FHIT: variants seen among roughly 807,000 people sequenced by gnomAD.
FHIT encodes bis(5'-adenosyl)-triphosphatase.
A neutral mutation model predicts 17.9 loss-of-function variants in FHIT; 19 were observed. The observed-to-expected ratio is 1.06, with a 90% CI of 0.74 to 1.56. FHIT has a LOEUF of 1.56. Ranked by LOEUF, FHIT falls within the 40% of genes most tolerant of loss-of-function variation. FHIT has a pLI of 0.00. For synonymous variants in FHIT, 81 were observed against 69.7 expected (o/e 1.16, Z -0.81); for missense variants, 248 against 189.2 (o/e 1.31, Z -1.82).
intron 2 of FHIT, among the ~76,000 whole-genome samples, chr3:61,084,915 T>A (rs1267166788): frequency 6.6e-6 from 1 of 152,214 alleles, no homozygotes; most frequent in African/African-American, 2.4e-5. Context: ...TAGATTCTTT[T>A]GTGTCTGGAT....
intron 4 of FHIT, among the ~76,000 whole-genome samples, chr3:60,687,433 T>G (rs1366031579): frequency 2.0e-5 from 3 of 152,098 alleles, no homozygotes; most frequent in Non-Finnish European, 2.9e-5. Context: ...AAAAATTTGG[T>G]TTTTGTTATC....
intron 5 of FHIT, among the ~76,000 whole-genome samples, chr3:60,332,809 G>A (rs758185129): frequency 2.0e-5 from 3 of 152,106 alleles, no homozygotes; most frequent in Non-Finnish European, 4.4e-5. Flanking sequence ...AAACAAAGAT[G>A]ACAGAAATCA....
At chr3:60,164,105 A>G (rs1370118070) in intron 5 of FHIT, among the ~76,000 whole-genome samples, 1 of 152,206 alleles carries the variant, frequency 6.6e-6, no homozygotes, top group Non-Finnish European at 1.5e-5. Flanking sequence ...GGGAGATCAT[A>G]AACTTAAGTA....
At chr3:60,997,512 G>T (rs1229963259) in intron 3 of FHIT, among the ~76,000 whole-genome samples, 3 of 152,116 alleles carry the variant, frequency 2.0e-5, no homozygotes, top group Non-Finnish European at 4.4e-5. Flanking sequence ...GTTGAGGGGG[G>T]TGTGGATGGT....
intron 5 of FHIT, among the ~76,000 whole-genome samples, chr3:60,077,729 C>CATATATATATATAT (rs1403752107): frequency 8.9e-5 from 6 of 67,188 alleles, no homozygotes; most frequent in African/African-American, 2.9e-4. Context: ...CACACACACA[C>CATATATATATATAT]ATATATAGAG....
chr3:59,818,252 T>C (rs1700671579), intron 8 of FHIT, among the ~76,000 whole-genome samples: 1 of 152,064 alleles, frequency 6.6e-6, no homozygotes, highest in Admixed American at 6.5e-5. Flanking sequence ...TCGGCCCACG[T>C]GGGGCTGTGC....
rs192515162 is a variant in FHIT at position 59,749,164 on chromosome 3, A to C, written c.*421T>G. 4.4e-6 allele frequency: 1 copy of C among 229,174 alleles called. No homozygotes were observed. Among genetic ancestry groups the C allele is most frequent in the East Asian group, 6.2e-5 (1 of 16,056 alleles). 14.2% of individuals were successfully genotyped at this position (229,174 alleles called of 1,614,324 possible). A position where few individuals can be genotyped will look rare whatever the true frequency, so the allele number is the denominator to read the frequency against. On this transcript the variant is annotated 3_prime_UTR_variant, in exon 10 of 10. Coordinates refer to ENST00000492590, the MANE Select transcript of FHIT (RefSeq NM_002012.4). ...TTTCATGAACCACTTAATGTATAAA[A>C]ATTCAATATGTAGACATTTTTTTTG... is the stretch of plus-strand genomic sequence containing the variant.
intron 2 of FHIT, among the ~76,000 whole-genome samples, chr3:61,118,760 T>A (rs1467498341): frequency 6.6e-6 from 1 of 152,176 alleles, no homozygotes; most frequent in Admixed American, 6.6e-5. Flanking sequence ...GAATGTAAAG[T>A]AGAAGGAACT....
rs1553779325 is a variant in FHIT at position 60,957,418 on chromosome 3, TA to T, written c.-111+84628del. ...ACACCTGGCTAATTTATTGTAGTTT[TA>T]GTAGAGATGGGGTTTCACCGTGTTA... On this transcript the variant is annotated intron_variant, in intron 3 of 9. Transcript: ENST00000492590. 2.0e-5 allele frequency among the ~76,000 whole-genome samples: 3 copies of T among 152,156 alleles called. No homozygotes were observed. In the South Asian group the frequency reaches 6.2e-4, roughly 32 times the overall value.
intron 4 of FHIT, among the ~76,000 whole-genome samples, chr3:60,784,980 T>G (rs1700518060): frequency 1.3e-5 from 2 of 151,816 alleles, no homozygotes; most frequent in South Asian, 2.1e-4. Context: ...ATTTCTGTTG[T>G]TTATGAGCCA....
chr3:61,073,043 C>CG (rs2034858079), intron 2 of FHIT, among the ~76,000 whole-genome samples: 2 of 152,074 alleles, frequency 1.3e-5, no homozygotes, highest in Non-Finnish European at 2.9e-5. Flanking sequence ...CAAGGAAAGA[C>CG]ATGTGCTGTA....
intron 5 of FHIT, among the ~76,000 whole-genome samples, chr3:60,396,000 C>T (rs1701425390): frequency 6.6e-6 from 1 of 152,092 alleles, no homozygotes; most frequent in Non-Finnish European, 1.5e-5. Flanking sequence ...AACACCACAT[C>T]ACAGATCACC....
chr3:61,215,188 C>T (rs909890441), intron 1 of FHIT, among the ~76,000 whole-genome samples: 1 of 151,876 alleles, frequency 6.6e-6, no homozygotes, highest in Non-Finnish European at 1.5e-5. Flanking sequence ...AAATAAAGGG[C>T]ATTCAATTAG....
chr3:59,748,063 AAC>A lies in FHIT; in HGVS notation c.*1520_*1521del, dbSNP rs1368295965. Among the ~76,000 whole-genome samples, 2 of 152,170 alleles carry A rather than the reference AAC, an allele frequency of 1.3e-5. No homozygotes were observed. The highest frequency in any genetic ancestry group is 2.4e-5 in the African/African-American group (1 of 41,446). On this transcript the variant is annotated 3_prime_UTR_variant, in exon 10 of 10. Transcript: ENST00000492590. ...CTAATGGTGGCTAGCCTCACTTTTT[AAC>A]ACAGAGACTGAATCTCACTCCTAGT...
At chr3:60,081,551 T>A (rs1345328529) in intron 5 of FHIT, among the ~76,000 whole-genome samples, 3 of 152,124 alleles carry the variant, frequency 2.0e-5, no homozygotes, top group Non-Finnish European at 2.9e-5. Flanking sequence ...CATATCCTGA[T>A]TGAGATACCA....
At chr3:59,756,526 G>A (rs542694754) in intron 8 of FHIT, among the ~76,000 whole-genome samples, 7 of 152,106 alleles carry the variant, frequency 4.6e-5, no homozygotes, top group Non-Finnish European at 1.0e-4. Flanking sequence ...TTAGGATAAG[G>A]ATGTCTCATA....
intron 7 of FHIT, among the ~76,000 whole-genome samples, chr3:59,952,221 A>G (rs541113891): frequency 8.5e-5 from 13 of 152,288 alleles, no homozygotes; most frequent in African/African-American, 2.9e-4. Flanking sequence ...TTCACATCCC[A>G]AATCTGACAT....
chr3:59,845,204 C>A (rs1300084499), intron 8 of FHIT, among the ~76,000 whole-genome samples: 1 of 151,794 alleles, frequency 6.6e-6, no homozygotes, highest in Admixed American at 6.6e-5. Context: ...AAAATTTTGT[C>A]AATTTTGTTG....
intron 8 of FHIT, among the ~76,000 whole-genome samples, chr3:59,802,137 C>A (rs537829523): frequency 8.6e-5 from 13 of 151,810 alleles, no homozygotes; most frequent in Admixed American, 5.2e-4. Context: ...ATGGCTTATG[C>A]AGTGTTTAAA....
Sources: allele counts gnomAD v4.1 joint callset (sites outside exome capture counted in the v4.1 genomes callset), GRCh38; gene constraint gnomAD v4.1.1; transcripts MANE v1.5; gene names NCBI Gene and HGNC (gene_info 2026-07-23, HGNC 2026-07-21).